CNTN4: variants seen among roughly 807,000 people sequenced by gnomAD.
The protein encoded by CNTN4 is contactin-4.
CNTN4 carries 77 observed loss-of-function variants against 122.5 expected under a neutral mutation model. The ratio of observed to expected loss-of-function variants is 0.63; its 90% CI spans 0.52 to 0.76. The LOEUF (loss-of-function observed/expected upper bound fraction) is 0.76, where lower values mean the gene tolerates loss of function less well. CNTN4 is among the 30% of genes least tolerant of loss of function. The pLI is 0.00. For missense variants in CNTN4, 1,256 were observed against 1,259.1 expected, an observed-to-expected ratio of 1.00 and a Z score of 0.04; for synonymous variants, 512 against 447.0, an observed-to-expected ratio of 1.15 and a Z score of -1.83.
chr3:2,983,086 T>C (rs1616945), intron 13 of CNTN4, among the ~76,000 whole-genome samples: 6,198 of 150,118 alleles, frequency 0.041, 154 homozygotes, highest in Middle Eastern at 0.068. Flanking sequence ...TGGTGGCGGG[T>C]GCCTGTAGTC....
intron 9 of CNTN4, 95 bp from the exon 10 acceptor site, chr3:2,886,945 C>G: frequency 6.6e-6 from 7 of 1,053,944 alleles, no homozygotes; most frequent in Non-Finnish European, 9.9e-6. Context: ...AACACCCAAC[C>G]TTATATGTGT....
rs187876866 is a variant in CNTN4, at chr3:2,159,978, C to G, written c.-145+59339C>G. Among the ~76,000 whole-genome samples, 280 of 152,132 alleles carry G rather than the reference C, an allele frequency of 1.8e-3. 4 individuals are homozygous for G. The highest frequency in any genetic ancestry group is 6.5e-3 in the African/African-American group (268 of 41,524). On this transcript the variant is annotated intron_variant, in intron 2 of 24. Coordinates refer to ENST00000418658, the MANE Select transcript of CNTN4 (RefSeq NM_175607.3). ...TTGTTATTGGACTCCAAAACTCACC[C>G]AAATTCTTTTTCTTTGCTTTGTGTT...
At chr3:2,330,546 T>C (rs1293389261) in intron 2 of CNTN4, among the ~76,000 whole-genome samples, 1 of 152,182 alleles carries the variant, frequency 6.6e-6, no homozygotes, top group Non-Finnish European at 1.5e-5. Context: ...AGACCAAATA[T>C]ATATTTCTTA....
chr3:2,144,419 G>A (rs990766836), intron 2 of CNTN4, among the ~76,000 whole-genome samples: 1 of 152,278 alleles, frequency 6.6e-6, no homozygotes, highest in East Asian at 1.9e-4. Context: ...CTACCTTACG[G>A]GATTTTCATA....
intron 3 of CNTN4, among the ~76,000 whole-genome samples, chr3:2,480,429 T>C (rs1488427161): frequency 6.6e-6 from 1 of 152,228 alleles, no homozygotes; most frequent in Non-Finnish European, 1.5e-5. Context: ...CAGGATATCA[T>C]TGTTAACATA....
At chr3:2,687,225 A>G (rs144986217) in intron 4 of CNTN4, among the ~76,000 whole-genome samples, 927 of 9,850 alleles carry the variant, frequency 0.094, 10 homozygotes, top group African/African-American at 0.23. Flanking sequence ...CAGTGCGGCA[A>G]TAGCCTAAAG....
chr3:2,763,954 G>A (rs1386854452), intron 6 of CNTN4, among the ~76,000 whole-genome samples: 1 of 150,696 alleles, frequency 6.6e-6, no homozygotes, highest in Non-Finnish European at 1.5e-5. Flanking sequence ...GGATTGCCTT[G>A]GCTATTCGGG....
intron 4 of CNTN4, among the ~76,000 whole-genome samples, chr3:2,684,604 G>C (rs2085338300): frequency 6.6e-6 from 1 of 152,086 alleles, no homozygotes; most frequent in Non-Finnish European, 1.5e-5. Flanking sequence ...CCCTGAGCAA[G>C]TCAGACAAAA....
At chr3:2,236,068 A>G (rs775426424) in intron 2 of CNTN4, among the ~76,000 whole-genome samples, 2 of 152,202 alleles carry the variant, frequency 1.3e-5, no homozygotes, top group African/African-American at 2.4e-5. Context: ...GATGTTAAGT[A>G]AGTGCTTCTT....
At chr3:2,787,502 G>C (rs574815240) in intron 6 of CNTN4, among the ~76,000 whole-genome samples, 1 of 152,304 alleles carries the variant, frequency 6.6e-6, no homozygotes, top group African/African-American at 2.4e-5. Context: ...TGCTATAAAA[G>C]CCATAGTGTT....
intron 14 of CNTN4, among the ~76,000 whole-genome samples, chr3:3,012,764 T>C (rs1697362222): frequency 6.6e-6 from 1 of 151,808 alleles, no homozygotes; most frequent in African/African-American, 2.4e-5. Flanking sequence ...AGGTCAGGAG[T>C]TTGAGATCAG....
chr3:2,843,601 C>CA (rs2093403060), intron 7 of CNTN4, among the ~76,000 whole-genome samples: 1 of 152,166 alleles, frequency 6.6e-6, no homozygotes, highest in Non-Finnish European at 1.5e-5. Flanking sequence ...GTGCCGTCCT[C>CA]ACAACAGTGA....
intron 23 of CNTN4, among the ~76,000 whole-genome samples, chr3:3,048,404 A>G (rs1424093675): frequency 6.6e-6 from 1 of 152,196 alleles, no homozygotes; most frequent in African/African-American, 2.4e-5. Flanking sequence ...ATACCATTGT[A>G]TATCCAGGAC....
chr3:2,829,311 G>A (rs533104636), intron 7 of CNTN4, among the ~76,000 whole-genome samples: 2 of 152,246 alleles, frequency 1.3e-5, no homozygotes, highest in Non-Finnish European at 2.9e-5. Flanking sequence ...ATTGATCAGG[G>A]ACTACTTGTG....
intron 4 of CNTN4, among the ~76,000 whole-genome samples, chr3:2,603,085 C>T (rs2081115338): frequency 6.7e-6 from 1 of 149,124 alleles, no homozygotes; most frequent in South Asian, 2.2e-4. Flanking sequence ...TGAGTATTTT[C>T]TCATTTTTCT....
chr3:2,925,952 T>C (rs540642313), intron 13 of CNTN4, among the ~76,000 whole-genome samples, 173 bp downstream of exon 13: 1 of 152,310 alleles, frequency 6.6e-6, no homozygotes, highest in East Asian at 1.9e-4. Context: ...TTTATAGTCC[T>C]TCTGGATTTG....
At chr3:2,969,770 G>A (rs1476379030) in intron 13 of CNTN4, among the ~76,000 whole-genome samples, 1 of 152,058 alleles carries the variant, frequency 6.6e-6, no homozygotes, top group Non-Finnish European at 1.5e-5. Flanking sequence ...TTTTATTGTT[G>A]GGGAAGGCTA....
chr3:2,161,598 C>T (rs1248394783), intron 2 of CNTN4, among the ~76,000 whole-genome samples: 3 of 152,084 alleles, frequency 2.0e-5, no homozygotes. Flanking sequence ...TGGAGTAAGA[C>T]TGGTCCATGA....
At chr3:2,213,545 G>C (rs2038709601) in intron 2 of CNTN4, among the ~76,000 whole-genome samples, 1 of 152,190 alleles carries the variant, frequency 6.6e-6, no homozygotes, top group Non-Finnish European at 1.5e-5. Context: ...CCACCAAGAA[G>C]TAGCAATCAG....
Sources: gnomAD v4.1 joint callset for allele counts (sites outside exome capture counted in the v4.1 genomes callset) on GRCh38, gnomAD v4.1.1 for gene constraint, MANE v1.5 for transcripts, NCBI Gene and HGNC (gene_info 2026-07-23, HGNC 2026-07-21) for gene names.